Variants in ULK4 observed in about 807,000 individuals in gnomAD.
ULK4 encodes unc-51 like kinase 4.
Under a neutral mutation model 160.6 loss-of-function variants are expected in ULK4, and 133 were observed. The ratio of observed to expected loss-of-function variants is 0.83; its 90% CI spans 0.72 to 0.96. ULK4 has a LOEUF of 0.96. ULK4 is among the 40% of genes least tolerant of loss of function. The probability of loss-of-function intolerance (pLI) is 0.00; values close to 1 mark genes in which losing one functional copy is unlikely to be tolerated. For synonymous variants in ULK4, 534 were observed against 539.8 expected, an observed-to-expected ratio of 0.99 and a Z score of 0.15; for missense variants, 1,580 against 1,499.5, an observed-to-expected ratio of 1.05 and a Z score of -0.89.
At chr3:41,800,437 T>C in intron 19 of ULK4, 144 bp from the exon 20 acceptor site, 1 of 705,056 alleles carries the variant, frequency 1.4e-6, no homozygotes, top group East Asian at 2.7e-5. Context: ...ATGATAACTC[T>C]TTCAGGTCAT....
rs1700432531 is a variant in ULK4, at chr3:41,954,912, AT to A, written c.-48-106del. The A allele has an allele frequency of 5.5e-6, 4 of 721,594 alleles. No homozygotes were observed. In the East Asian group the frequency reaches 1.2e-4, roughly 21 times the overall value. 44.7% of individuals were successfully genotyped at this position (721,594 alleles called of 1,614,324 possible). On this transcript the variant is annotated intron_variant, in intron 1 of 36. Transcript: ENST00000301831. ...ATTATATGTGTAAAAAATCTAGCAA[AT>A]CGACAAATTCAGAAAATTCACTTAC...
chr3:41,254,742 C>T (rs1401435346), intron 35 of ULK4, among the ~76,000 whole-genome samples: 3 of 151,584 alleles, frequency 2.0e-5, no homozygotes, highest in Non-Finnish European at 4.4e-5. Context: ...ATTAGCCAGG[C>T]GTGGTGGAGG....
At chr3:41,371,186 G>A (rs1227090051) in intron 35 of ULK4, among the ~76,000 whole-genome samples, 6 of 152,180 alleles carry the variant, frequency 3.9e-5, no homozygotes, top group Non-Finnish European at 5.9e-5. Context: ...CTAGGACAGA[G>A]CAACTCGGGG....
intron 30 of ULK4, among the ~76,000 whole-genome samples, chr3:41,626,793 T>G (rs1418168160): frequency 6.6e-6 from 1 of 152,134 alleles, no homozygotes; most frequent in African/African-American, 2.4e-5. Flanking sequence ...CCCAAAGTGC[T>G]GGGATTATAA....
intron 27 of ULK4, among the ~76,000 whole-genome samples, chr3:41,699,680 T>C (rs995007879): frequency 2.6e-5 from 4 of 152,200 alleles, no homozygotes; most frequent in East Asian, 3.8e-4. Flanking sequence ...CAATATAGTA[T>C]TGATCAGCAG....
At chr3:41,804,883 T>C (rs1032792766) in intron 19 of ULK4, among the ~76,000 whole-genome samples, 1 of 152,164 alleles carries the variant, frequency 6.6e-6, no homozygotes, top group African/African-American at 2.4e-5. Context: ...TTGGTTACTG[T>C]AGCCTTGTAG....
rs1193150214 is a variant in ULK4 at position 41,735,166 on chromosome 3, C to A, written c.2322-17305G>T. 2.0e-5 allele frequency among the ~76,000 whole-genome samples: 3 copies of A among 151,960 alleles called. No homozygotes were observed. In the East Asian group the frequency reaches 5.8e-4, roughly 29 times the overall value. ...GAATATTAATCAGATAGCGGATAAG[C>A]TAATGAATGCGAAAAGGAAGACAAG... On this transcript the variant is annotated intron_variant, in intron 22 of 36. Coordinates refer to ENST00000301831, the MANE Select transcript of ULK4 (RefSeq NM_017886.4).
intron 32 of ULK4, among the ~76,000 whole-genome samples, chr3:41,556,009 C>A (rs1222682055): frequency 6.6e-6 from 1 of 152,058 alleles, no homozygotes; most frequent in Non-Finnish European, 1.5e-5. Flanking sequence ...GAAAACAACA[C>A]ACACTGGGCC....
At chr3:41,816,664 T>G (rs1389162535) in intron 19 of ULK4, among the ~76,000 whole-genome samples, 1 of 151,950 alleles carries the variant, frequency 6.6e-6, no homozygotes, top group African/African-American at 2.4e-5. Flanking sequence ...ATACAAAAAT[T>G]AGCCAGGCAT....
At chr3:41,374,841 C>G (rs1249000904) in intron 35 of ULK4, among the ~76,000 whole-genome samples, 1 of 152,192 alleles carries the variant, frequency 6.6e-6, no homozygotes, top group African/African-American at 2.4e-5. Context: ...GAGAGGAAGT[C>G]AAATTATCTC....
At chr3:41,491,395 T>C (rs539165592) in intron 32 of ULK4, among the ~76,000 whole-genome samples, 2 of 152,218 alleles carry the variant, frequency 1.3e-5, no homozygotes, top group Non-Finnish European at 2.9e-5. Context: ...CACGACCATA[T>C]ATCTAAATAT....
Position 41,681,777 on chromosome 3 carries a change from C to T in ULK4, c.2809G>A (p.Val937Met), listed in dbSNP as rs777840063. ...TVVDYILPPL[V>M]SLVQSQNVEW... ...CCATTTTGGCTTTGAACCAAGGACA[C>T]CAAGGGTGGCAGTATATAGTCAACA... The change falls in exon 28 of 37, where the codon GTG becomes ATG. Residue 937 changes from valine to methionine, a missense_variant. By Grantham distance (21) the Val-to-Met change is conservative. Transcript: ENST00000301831. 2.7e-5 allele frequency: 43 copies of T among 1,613,992 alleles called. No individual in the cohort carries two copies. Among genetic ancestry groups the T allele is most frequent in the Non-Finnish European group, 3.6e-5 (43 of 1,179,936 alleles).
At chr3:41,660,027 C>T (rs528912971) in intron 30 of ULK4, among the ~76,000 whole-genome samples, 5 of 152,214 alleles carry the variant, frequency 3.3e-5, no homozygotes, top group East Asian at 1.9e-4. Flanking sequence ...AGGTGGCTCA[C>T]GCCTGTAATA....
At chr3:41,602,219 GA>G (rs1287790012) in intron 31 of ULK4, among the ~76,000 whole-genome samples, 1 of 141,296 alleles carries the variant, frequency 7.1e-6, no homozygotes, top group African/African-American at 2.6e-5. Context: ...AGGGAAGGAA[GA>G]GAAGAAAGGA....
At chr3:41,695,057 C>G (rs1208997374) in intron 27 of ULK4, among the ~76,000 whole-genome samples, 1 of 152,188 alleles carries the variant, frequency 6.6e-6, no homozygotes, top group African/African-American at 2.4e-5. Context: ...CTTGTGAGGG[C>G]TGCTTCCAAG....
At chr3:41,250,499 G>T (rs769618873) in intron 35 of ULK4, among the ~76,000 whole-genome samples, 1 of 152,128 alleles carries the variant, frequency 6.6e-6, no homozygotes, top group Non-Finnish European at 1.5e-5. Flanking sequence ...AAATTAAGGG[G>T]CTGCTACAGG....
chr3:41,487,602 G>T (rs1046955983), intron 32 of ULK4, among the ~76,000 whole-genome samples: 1 of 152,010 alleles, frequency 6.6e-6, no homozygotes. Flanking sequence ...ATTCTATGAG[G>T]AATAAGTAAT....
At chr3:41,737,639 T>G (rs2038101826) in intron 22 of ULK4, among the ~76,000 whole-genome samples, 1 of 151,928 alleles carries the variant, frequency 6.6e-6, no homozygotes, top group South Asian at 2.1e-4. Flanking sequence ...CATCCTTTAA[T>G]TTATAACTGT....
chr3:41,640,650 T>G (rs778185927), intron 30 of ULK4, among the ~76,000 whole-genome samples: 2 of 152,032 alleles, frequency 1.3e-5, no homozygotes, highest in African/African-American at 2.4e-5. Context: ...GAGCAAATAA[T>G]GAGCAGATAA....
Sources: gnomAD v4.1 joint callset for allele counts (sites outside exome capture counted in the v4.1 genomes callset) on GRCh38, gnomAD v4.1.1 for gene constraint, MANE v1.5 for transcripts, NCBI Gene and HGNC (gene_info 2026-07-23, HGNC 2026-07-21) for gene names.